Variants in ZDHHC7 observed in about 807,000 individuals in gnomAD.
ZDHHC7 encodes palmitoyltransferase ZDHHC7.
A neutral mutation model predicts 34.1 loss-of-function variants in ZDHHC7; 12 were observed. That is an observed-to-expected ratio of 0.35 (90% confidence interval 0.23 to 0.57). The LOEUF (loss-of-function observed/expected upper bound fraction) is 0.57, where lower values mean the gene tolerates loss of function less well. Among genes scored for constraint, ZDHHC7 ranks in the 20% least tolerant of loss-of-function variants. The pLI is 0.84. For synonymous variants in ZDHHC7, 185 were observed against 155.4 expected (o/e 1.19, Z -1.42); for missense variants, 388 against 402.7 (o/e 0.96, Z 0.31).
At chr16:85,015,863 AAT>A (rs1408406849), upstream of ZDHHC7, among the ~76,000 whole-genome samples, 1 of 152,112 alleles carries the variant, frequency 6.6e-6, no homozygotes, top group Admixed American at 6.5e-5. Context: ...AAGAAAAAGA[AAT>A]ATACTTTGAT....
intron 3 of ZDHHC7, chr16:84,988,829 A>G: frequency 6.4e-7 from 1 of 1,551,800 alleles, no homozygotes; most frequent in Non-Finnish European, 8.7e-7. Flanking sequence ...GGTCCAGCCC[A>G]GTTTTCACTG....
At chr16:85,016,500 G>A (rs1364798453), upstream of ZDHHC7, among the ~76,000 whole-genome samples, 5 of 152,110 alleles carry the variant, frequency 3.3e-5, no homozygotes, top group African/African-American at 1.2e-4. Context: ...CTGTTGCCCA[G>A]GCTGGAGTGC....
At chr16:85,014,563 A>C (rs1335060027), upstream of ZDHHC7, among the ~76,000 whole-genome samples, 1 of 152,190 alleles carries the variant, frequency 6.6e-6, no homozygotes, top group African/African-American at 2.4e-5. Context: ...TCAACTACAG[A>C]ACAAGAACAG....
chr16:84,996,650 C>A (rs1454748655), intron 1 of ZDHHC7, among the ~76,000 whole-genome samples: 1 of 152,184 alleles, frequency 6.6e-6, no homozygotes, highest in African/African-American at 2.4e-5. Flanking sequence ...GATTCACTGT[C>A]AGACCTCCCT....
At chr16:84,998,146 C>A (rs2072606642) in intron 1 of ZDHHC7, among the ~76,000 whole-genome samples, 1 of 151,230 alleles carries the variant, frequency 6.6e-6, no homozygotes, top group African/African-American at 2.4e-5. Context: ...CGCCTGCAGT[C>A]CCAGCTACTC....
At chr16:85,023,378 T>G in the ZDHHC7 span, among the ~76,000 whole-genome samples, 1 of 152,114 alleles carries the variant, frequency 6.6e-6, no homozygotes, top group African/African-American at 2.4e-5. Context: ...TTGGCCAGGC[T>G]GGTCTTGAAC....
intron 3 of ZDHHC7, among the ~76,000 whole-genome samples, chr16:84,984,221 G>A (rs531089497): frequency 2.8e-4 from 43 of 151,938 alleles, no homozygotes; most frequent in Non-Finnish European, 4.4e-4. Flanking sequence ...GGGTTTCGCC[G>A]TGTTGGCCAG....
intron 1 of ZDHHC7, 90 bp from the exon 2 acceptor site, chr16:84,996,097 C>T (rs547712909): frequency 3.3e-5 from 5 of 152,158 alleles, no homozygotes; most frequent in African/African-American, 4.8e-5. Context: ...ATTTTTGGAG[C>T]GTAACATTTG....
intron 4 of ZDHHC7, among the ~76,000 whole-genome samples, chr16:84,979,846 A>C (rs540567505): frequency 6.6e-6 from 1 of 151,236 alleles, no homozygotes; most frequent in Non-Finnish European, 1.5e-5. Context: ...AACTAATTTG[A>C]TTATCGATTA....
In ZDHHC7 at chr16:84,974,468, C is replaced by G. The variant is rs1209028336; in HGVS notation, c.*1875G>C. ...GGGCGCTTTGGAAGCCATTTGAGAA[C>G]TGTTAATTGATTACTTTATTTCATA... On this transcript the variant is annotated 3_prime_UTR_variant, in exon 8 of 8. Transcript: ENST00000313732. 3.3e-5 allele frequency: 5 copies of G among 152,170 alleles called. No homozygotes were observed. In the East Asian group the frequency reaches 9.6e-4, roughly 29 times the overall value. 9.4% of individuals were successfully genotyped at this position (152,170 alleles called of 1,614,324 possible).
At chr16:84,994,452 A>G (rs1159926908) in intron 2 of ZDHHC7, among the ~76,000 whole-genome samples, 4 of 152,260 alleles carry the variant, frequency 2.6e-5, no homozygotes, top group Non-Finnish European at 5.9e-5. Context: ...CTTTCCAGGC[A>G]GTAAAACAAG....
chr16:85,021,845 T>C, the ZDHHC7 span, among the ~76,000 whole-genome samples: 87,952 of 151,744 alleles, frequency 0.58, 28,389 homozygotes, highest in African/African-American at 0.87. Flanking sequence ...AGCTGCTTTG[T>C]GGAGGACAGA....
At chr16:85,010,000 GC>G (rs1268983770) in intron 1 of ZDHHC7, among the ~76,000 whole-genome samples, 1 of 149,756 alleles carries the variant, frequency 6.7e-6, no homozygotes, top group Non-Finnish European at 1.5e-5. Context: ...GAGCCACTGT[GC>G]CTGGCCAAGT....
At chr16:85,010,480 T>TA (rs2072776206) in intron 1 of ZDHHC7, among the ~76,000 whole-genome samples, 1 of 152,028 alleles carries the variant, frequency 6.6e-6, no homozygotes, top group African/African-American at 2.4e-5. Context: ...ATAGTAACAG[T>TA]AAAATAGATA....
chr16:84,997,418 A>T (rs543371836), intron 1 of ZDHHC7, among the ~76,000 whole-genome samples: 29 of 150,526 alleles, frequency 1.9e-4, no homozygotes, highest in Non-Finnish European at 4.0e-4. Flanking sequence ...ACAGGCGCCC[A>T]CCACCACACC....
intron 1 of ZDHHC7, among the ~76,000 whole-genome samples, chr16:85,003,558 T>C (rs1031252365): frequency 2.6e-4 from 40 of 152,118 alleles, no homozygotes; most frequent in Non-Finnish European, 5.6e-4. Flanking sequence ...ACCATGATTT[T>C]CTACTCAAAT....
intron 4 of ZDHHC7, among the ~76,000 whole-genome samples, chr16:84,980,757 A>G (rs1474654906): frequency 1.3e-5 from 2 of 152,226 alleles, no homozygotes; most frequent in African/African-American, 4.8e-5. Flanking sequence ...CAGAGTTGTG[A>G]GACCATCACC....
chr16:85,023,595 T>C, the ZDHHC7 span, among the ~76,000 whole-genome samples: 1 of 152,140 alleles, frequency 6.6e-6, no homozygotes, highest in African/African-American at 2.4e-5. Context: ...AGTTGTATTT[T>C]GGACTCATCC....
chr16:84,988,631 TG>T, intron 3 of ZDHHC7: 1 of 777,922 alleles, frequency 1.3e-6, no homozygotes, highest in Non-Finnish European at 2.1e-6. Flanking sequence ...GAGCAGAAGC[TG>T]GACTGCTGAG....
Sources: allele counts gnomAD v4.1 joint callset (sites outside exome capture counted in the v4.1 genomes callset), GRCh38; gene constraint gnomAD v4.1.1; transcripts MANE v1.5; gene names NCBI Gene and HGNC (gene_info 2026-07-23, HGNC 2026-07-21).